Variants in BICDL1 observed in about 807,000 individuals in gnomAD.
The protein encoded by BICDL1 is BICD family like cargo adaptor 1.
In BICDL1, 20 loss-of-function variants were observed where a neutral mutation model predicts 76.8. That is an observed-to-expected ratio of 0.26 (90% CI 0.18 to 0.38). The LOEUF (loss-of-function observed/expected upper bound fraction) is 0.38. Among genes scored for constraint, BICDL1 ranks in the 10% least tolerant of loss-of-function variants. The pLI, the probability that BICDL1 is intolerant of heterozygous loss-of-function variation, is 1.00. For missense variants in BICDL1, 700 were observed against 798.6 expected, an observed-to-expected ratio of 0.88 and a Z score of 1.49; for synonymous variants, 383 against 337.1, an observed-to-expected ratio of 1.14 and a Z score of -1.49.
intron 6 of BICDL1, 146 bp downstream of exon 6, chr12:120,072,875 T>C (rs1294091624): frequency 2.6e-6 from 2 of 759,126 alleles, no homozygotes; most frequent in Non-Finnish European, 4.2e-6. Context: ...TTGGTTGTTT[T>C]GGATTTTGTT....
At chr12:120,016,013 G>C (rs1309078640) in intron 2 of BICDL1, among the ~76,000 whole-genome samples, 1 of 152,108 alleles carries the variant, frequency 6.6e-6, no homozygotes, top group Non-Finnish European at 1.5e-5. Flanking sequence ...GAACATTTCT[G>C]CTACCCCAAA....
chr12:120,094,091 G>A lies in BICDL1; in HGVS notation c.*930G>A. The A allele has an allele frequency of 7.2e-6, 3 of 417,864 alleles. No individual in the cohort carries two copies. Among genetic ancestry groups the A allele is most frequent in the Middle Eastern group, 4.2e-4 (1 of 2,384 alleles). 25.9% of individuals were successfully genotyped at this position (417,864 alleles called of 1,614,324 possible). Reference sequence around the variant, plus strand: ...TTGAGGGCAGCACAGGCACCACGGGGTGGAGGGGAGGGGGAGGCTGCCGGA... The same window carrying A: ...TTGAGGGCAGCACAGGCACCACGGGATGGAGGGGAGGGGGAGGCTGCCGGA... On this transcript the variant is annotated 3_prime_UTR_variant, in exon 10 of 10. Transcript: ENST00000548673.
intron 2 of BICDL1, among the ~76,000 whole-genome samples, chr12:120,043,689 A>T (rs764994695): frequency 8.5e-5 from 13 of 152,224 alleles, no homozygotes; most frequent in Non-Finnish European, 1.6e-4. Flanking sequence ...TCCTGGTGGA[A>T]CCTTGCTAAA....
chr12:120,087,850 C>T (rs1874558297), intron 8 of BICDL1, among the ~76,000 whole-genome samples: 1 of 150,414 alleles, frequency 6.6e-6, no homozygotes. Flanking sequence ...AAAATAATGT[C>T]GGAGGAGTTA....
At chr12:120,000,497 A>G (rs1211648692) in intron 2 of BICDL1, 1 of 152,238 alleles carries the variant, frequency 6.6e-6, no homozygotes, top group African/African-American at 2.4e-5. Flanking sequence ...GCCTGGCTAG[A>G]TTGATTTATT....
chr12:120,092,607 G>A (rs905140935), intron 9 of BICDL1: 3 of 985,330 alleles, frequency 3.0e-6, no homozygotes, highest in Admixed American at 6.1e-5. Flanking sequence ...GGGGCTGGGG[G>A]TGGCAAGCCA....
At chr12:120,026,959 C>A (rs1273718549) in intron 2 of BICDL1, among the ~76,000 whole-genome samples, 1 of 149,782 alleles carries the variant, frequency 6.7e-6, no homozygotes, top group Non-Finnish European at 1.5e-5. Context: ...AAACTGGGAT[C>A]ATAGAAAGAA....
At position 120,074,482 on chromosome 12, in the gene BICDL1, A is replaced by G; in HGVS notation, c.1348A>G (p.Ile450Val). 7.8e-7 allele frequency: 1 copy of G among 1,273,960 alleles called. No individual in the cohort carries two copies. Among genetic ancestry groups the G allele is most frequent in the Non-Finnish European group, 1.0e-6 (1 of 982,210 alleles). The allele number at this position is 1,273,960 out of a possible 1,614,324, so 78.9% of individuals were successfully genotyped here. ...TGATGATGACTCCTTAGAAGAACAG[A>G]TAAGGCAGACCAGTGAGGACTCGAG... is the stretch of plus-strand genomic sequence containing the variant. ...RLDDDSLEEQ[I>V]RQTSEDSRAL... Residue 450 changes from isoleucine (I) to valine (V), a missense_variant, in exon 7 of 10, where the codon ATA (isoleucine) becomes GTA (valine). Around this residue, in one of 3 missense-constraint regions of BICDL1, gnomAD observed 455 missense variants for 548.7 expected, o/e 0.83. Transcript: ENST00000548673.
At chr12:120,077,787 C>A (rs1380914959) in intron 7 of BICDL1, among the ~76,000 whole-genome samples, 1 of 152,024 alleles carries the variant, frequency 6.6e-6, no homozygotes, top group Non-Finnish European at 1.5e-5. Flanking sequence ...ATTTATCTGC[C>A]TTCCCCCAGC....
At chr12:120,052,582 G>A (rs948798548) in intron 2 of BICDL1, among the ~76,000 whole-genome samples, 1 of 152,036 alleles carries the variant, frequency 6.6e-6, no homozygotes, top group African/African-American at 2.4e-5. Flanking sequence ...CTTGGTTAAG[G>A]TAGTGTTTGC....
chr12:120,093,109 A>C lies in BICDL1; in HGVS notation c.1814A>C (p.Glu605Ala). 1 of 1,612,816 alleles carries C rather than the reference A, an allele frequency of 6.2e-7. No individual in the cohort carries two copies. Among genetic ancestry groups the C allele is most frequent in the Non-Finnish European group, 8.5e-7 (1 of 1,179,214 alleles). Residue 605 changes from glutamate (E) to alanine (A), a missense_variant, in exon 10 of 10, where the codon GAG (glutamate) becomes GCG (alanine). Around this residue, in one of 3 missense-constraint regions of BICDL1, gnomAD observed 455 missense variants for 548.7 expected, o/e 0.83. Coordinates refer to ENST00000548673, the MANE Select transcript of BICDL1 (RefSeq NM_001367886.1). ...GGCCACAGCGCTGGGCGGGGGGATG[A>C]GCCCAGCATCGCTGAAGGCAAACGA... The part of the protein sequence containing the change: ...CRGHSAGRGD[E>A]PSIAEGKRLF...
At chr12:120,018,610 C>G (rs1403861896) in intron 2 of BICDL1, among the ~76,000 whole-genome samples, 1 of 151,942 alleles carries the variant, frequency 6.6e-6, no homozygotes, top group Non-Finnish European at 1.5e-5. Context: ...TTTATTTTGG[C>G]TCTGTTGATT....
intron 2 of BICDL1, among the ~76,000 whole-genome samples, chr12:120,036,320 T>C (rs532707406): frequency 1.3e-5 from 2 of 152,232 alleles, no homozygotes; most frequent in African/African-American, 4.8e-5. Context: ...TTCAAGACTT[T>C]TATGAATTTA....
intron 2 of BICDL1, among the ~76,000 whole-genome samples, chr12:120,002,017 G>C (rs538348178): frequency 6.6e-6 from 1 of 152,302 alleles, no homozygotes; most frequent in African/African-American, 2.4e-5. Context: ...GAGTGACAGA[G>C]TGAGACTTTG....
chr12:120,028,093 T>G (rs1952345554), intron 2 of BICDL1, among the ~76,000 whole-genome samples: 1 of 152,216 alleles, frequency 6.6e-6, no homozygotes, highest in Non-Finnish European at 1.5e-5. Flanking sequence ...GGCTAGCTGT[T>G]AAATGGCTTT....
rs2138747670 is a variant in BICDL1 at position 120,028,327 on chromosome 12, C to G, written c.645+29591C>G. 2.6e-5 allele frequency among the ~76,000 whole-genome samples: 4 copies of G among 152,028 alleles called. No individual in the cohort carries two copies. In the South Asian group the frequency reaches 8.3e-4, roughly 32 times the overall value. ...TCTTAGGCTCTTCTGTTTCATTGGCCTTTACAAAGGCCCATTGTCAATCAC... is the reference window on the plus strand; with the variant it reads ...TCTTAGGCTCTTCTGTTTCATTGGCGTTTACAAAGGCCCATTGTCAATCAC... On this transcript the variant is annotated intron_variant, in intron 2 of 9. Coordinates refer to ENST00000548673, the MANE Select transcript of BICDL1 (RefSeq NM_001367886.1).
chr12:120,013,155 A>G (rs1480730293), intron 2 of BICDL1, among the ~76,000 whole-genome samples: 1 of 152,038 alleles, frequency 6.6e-6, no homozygotes, highest in Admixed American at 6.6e-5. Flanking sequence ...TACTAAAAAT[A>G]CAAAAAAAAT....
chr12:119,998,718 A>G lies in BICDL1; in HGVS notation c.627A>G (p.Leu209=), dbSNP rs753498748. Residue 209 remains leucine, a synonymous_variant, in exon 2 of 10, where the codon CTA becomes CTG. Coordinates refer to ENST00000548673, the MANE Select transcript of BICDL1 (RefSeq NM_001367886.1). ...AACTGTCGGAACAGAACCAAAGGCT[A>G]TTGGATCAGCTCAGCAGGGTGAGTC... ...VQELSEQNQR[L]LDQLSRASEV... is the part of the protein sequence containing the mutation. The G allele has an allele frequency of 1.2e-6, 2 of 1,614,114 alleles. No individual in the cohort carries two copies. Among genetic ancestry groups the G allele is most frequent in the Non-Finnish European group, 1.7e-6 (2 of 1,180,002 alleles).
At chr12:120,033,849 G>C (rs927901278) in intron 2 of BICDL1, among the ~76,000 whole-genome samples, 2 of 152,142 alleles carry the variant, frequency 1.3e-5, no homozygotes, top group Non-Finnish European at 2.9e-5. Flanking sequence ...CACTTCTGAT[G>C]TATTACATCA....
Sources: gnomAD v4.1 joint callset for allele counts (sites outside exome capture counted in the v4.1 genomes callset) on GRCh38, gnomAD v4.1.1 for gene constraint, gnomAD v4.1.1 regional missense constraint, MANE v1.5 for transcripts, NCBI Gene and HGNC (gene_info 2026-07-23, HGNC 2026-07-21) for gene names.